The following RETREG1 variants were observed in gnomAD, a reference collection of about 807,000 sequenced individuals.
RETREG1 encodes the protein family with sequence similarity 134 member B.
Under a neutral mutation model 54.8 loss-of-function variants are expected in RETREG1, and 44 were observed. The ratio of observed to expected loss-of-function variants is 0.80; its 90% CI spans 0.63 to 1.03. RETREG1 has a LOEUF of 1.03. Ranked by LOEUF, RETREG1 falls within the 50% of genes least tolerant of loss-of-function variation. The pLI is 0.00. For missense variants in RETREG1, 554 were observed against 605.1 expected (o/e 0.92, Z 0.89); for synonymous variants, 217 against 238.5 (o/e 0.91, Z 0.83).
intron 2 of RETREG1, among the ~76,000 whole-genome samples, chr5:16,567,112 A>T (rs1204228520): frequency 6.6e-6 from 1 of 152,238 alleles, no homozygotes; most frequent in Non-Finnish European, 1.5e-5. Flanking sequence ...TAAGGACAGC[A>T]TCTCTGTAGT....
At chr5:16,528,818 G>GC (rs1208662432) in intron 3 of RETREG1, among the ~76,000 whole-genome samples, 1 of 152,098 alleles carries the variant, frequency 6.6e-6, no homozygotes, top group Admixed American at 6.6e-5. Flanking sequence ...AGCTTTGTGG[G>GC]CCATACAGTG....
At chr5:16,516,155 T>C (rs1033704991) in intron 3 of RETREG1, among the ~76,000 whole-genome samples, 2 of 142,234 alleles carry the variant, frequency 1.4e-5, no homozygotes, top group Admixed American at 7.4e-5. Flanking sequence ...TATTCGTACA[T>C]TTATACTACT....
At chr5:16,519,512 T>C (rs1740462803) in intron 3 of RETREG1, among the ~76,000 whole-genome samples, 1 of 152,220 alleles carries the variant, frequency 6.6e-6, no homozygotes, top group Non-Finnish European at 1.5e-5. Flanking sequence ...CTCATAATAA[T>C]TAGATCAGAC....
In RETREG1 at chr5:16,474,423, A is replaced by G. The variant is rs1206436960; in HGVS notation, c.*318T>C. ...AACTGTAAAGAAAAAGAATATTTAT[A>G]GGAGGATTTTAATAGTTTGGTTTTT... is the stretch of plus-strand genomic sequence containing the variant. On this transcript the variant is annotated 3_prime_UTR_variant, in exon 9 of 9. Coordinates refer to ENST00000306320, the MANE Select transcript of RETREG1 (RefSeq NM_001034850.3). 2 of 259,432 alleles carry G rather than the reference A, an allele frequency of 7.7e-6. No homozygotes were observed. Among genetic ancestry groups the G allele is most frequent in the Non-Finnish European group, 1.5e-5 (2 of 136,002 alleles). The allele number at this position is 259,432 out of a possible 1,614,324, so 16.1% of individuals were successfully genotyped here. A position where few individuals can be genotyped will look rare whatever the true frequency, so the allele number is the denominator to read the frequency against.
At chr5:16,567,577 A>T (rs1290143327) in intron 2 of RETREG1, among the ~76,000 whole-genome samples, 29 of 152,172 alleles carry the variant, frequency 1.9e-4, no homozygotes, top group Admixed American at 1.8e-3. Context: ...GTGGTTACAG[A>T]TGCTCCACAG....
chr5:16,555,369 C>T (rs999765681), intron 3 of RETREG1, among the ~76,000 whole-genome samples: 3 of 152,176 alleles, frequency 2.0e-5, no homozygotes, highest in Non-Finnish European at 2.9e-5. Context: ...CCAGGCTGGT[C>T]TCAAATTCCT....
intron 3 of RETREG1, among the ~76,000 whole-genome samples, chr5:16,499,222 C>T (rs1739598208): frequency 6.6e-6 from 1 of 152,172 alleles, no homozygotes; most frequent in African/African-American, 2.4e-5. Context: ...ACCACTGTCA[C>T]ATATGCAGCC....
At chr5:16,603,760 A>G (rs1407285534) in intron 1 of RETREG1, among the ~76,000 whole-genome samples, 2 of 151,832 alleles carry the variant, frequency 1.3e-5, no homozygotes, top group African/African-American at 4.8e-5. Context: ...CACATCACAT[A>G]TTTCACACAG....
At chr5:16,490,797 G>A (rs900655162) in intron 3 of RETREG1, among the ~76,000 whole-genome samples, 5 of 152,172 alleles carry the variant, frequency 3.3e-5, no homozygotes, top group African/African-American at 9.7e-5. Flanking sequence ...GGAACATGGG[G>A]ACCATTGCAA....
At position 16,480,860 on chromosome 5, in the gene RETREG1, G is replaced by A. The variant is rs1035834865; in HGVS notation, c.670+149C>T. ...AATAGAGACATGTCTCTAGGAAAAT[G>A]GAGAAACTTTGTACAGCAGGAGATT... On this transcript the variant is annotated intron_variant, in intron 5 of 8. Transcript: ENST00000306320. The A allele has an allele frequency of 2.2e-4, 139 of 641,448 alleles. 1 individual carries two copies. The African/African-American group carries it at 2.3e-3, about 10-fold the overall frequency. The allele number at this position is 641,448 out of a possible 1,614,324, so 39.7% of individuals were successfully genotyped here.
At chr5:16,579,711 G>A (rs1344313303) in intron 1 of RETREG1, among the ~76,000 whole-genome samples, 1 of 152,198 alleles carries the variant, frequency 6.6e-6, no homozygotes, top group Non-Finnish European at 1.5e-5. Context: ...CACACAGTAT[G>A]TGGCTTTTTC....
rs949281928 is a variant in RETREG1 at position 16,477,555 on chromosome 5, G to A, written c.1000+107C>T. 28 of 1,044,472 alleles carry A rather than the reference G, an allele frequency of 2.7e-5. No homozygotes were observed. In the African/African-American group the frequency reaches 2.8e-4, roughly 11 times the overall value. The allele number at this position is 1,044,472 out of a possible 1,614,324, so 64.7% of individuals were successfully genotyped here. A position where few individuals can be genotyped will look rare whatever the true frequency, so the allele number is the denominator to read the frequency against. ...TTTTATAGCCAAGTAATATTCTACT[G>A]TGTAGATATGGTGGTAACATGTTAT... On this transcript the variant is annotated intron_variant, in intron 8 of 8. Coordinates refer to ENST00000306320, the MANE Select transcript of RETREG1 (RefSeq NM_001034850.3).
chr5:16,587,009 C>T (rs577938011), intron 1 of RETREG1, among the ~76,000 whole-genome samples: 3 of 152,188 alleles, frequency 2.0e-5, no homozygotes, highest in Admixed American at 6.5e-5. Flanking sequence ...CTCCATCCTC[C>T]GGACCTAATC....
intron 3 of RETREG1, among the ~76,000 whole-genome samples, chr5:16,541,508 G>A (rs1741243033): frequency 6.6e-6 from 1 of 152,114 alleles, no homozygotes; most frequent in Admixed American, 6.6e-5. Context: ...CCAATATGGT[G>A]AAACCCTGTC....
intron 1 of RETREG1, among the ~76,000 whole-genome samples, chr5:16,592,345 C>T (rs557786090): frequency 1.4e-3 from 213 of 152,182 alleles, no homozygotes; most frequent in African/African-American, 4.9e-3. Context: ...TCAAAACCAC[C>T]ATGAGATATC....
intron 3 of RETREG1, among the ~76,000 whole-genome samples, chr5:16,501,833 C>T (rs1245221432): frequency 6.6e-6 from 1 of 152,172 alleles, no homozygotes; most frequent in Non-Finnish European, 1.5e-5. Flanking sequence ...GCATGAGCCA[C>T]CACGCCCAGC....
At chr5:16,478,780 A>G (rs1738642244) in intron 6 of RETREG1, 70 bp downstream of exon 6, 9 of 1,436,882 alleles carry the variant, frequency 6.3e-6, no homozygotes, top group African/African-American at 1.4e-5. Flanking sequence ...AATGTATTAA[A>G]GAATTTCCTA....
At chr5:16,542,980 T>TA (rs775976623) in intron 3 of RETREG1, among the ~76,000 whole-genome samples, 49 of 152,212 alleles carry the variant, frequency 3.2e-4, no homozygotes, top group Non-Finnish European at 6.6e-4. Context: ...GTACCCCTTT[T>TA]AATGCTTCCC....
chr5:16,503,783 G>T (rs1739828992), intron 3 of RETREG1, among the ~76,000 whole-genome samples: 1 of 152,074 alleles, frequency 6.6e-6, no homozygotes, highest in Non-Finnish European at 1.5e-5. Flanking sequence ...AGCACAGTTA[G>T]AATTAAATGC....
Sources: gnomAD v4.1 joint callset for allele counts (sites outside exome capture counted in the v4.1 genomes callset) on GRCh38, gnomAD v4.1.1 for gene constraint, MANE v1.5 for transcripts, NCBI Gene and HGNC (gene_info 2026-07-23, HGNC 2026-07-21) for gene names.